The following BAG6 variants were observed in gnomAD, a reference collection of about 807,000 sequenced individuals.
The protein encoded by BAG6 is large proline-rich protein BAG6.
BAG6 carries 22 observed loss-of-function variants against 121.0 expected under a neutral mutation model. That is an observed-to-expected ratio of 0.18 (90% CI 0.13 to 0.26). The LOEUF (loss-of-function observed/expected upper bound fraction) is 0.26, where lower values mean the gene tolerates loss of function less well. Ranked by LOEUF, BAG6 falls within the 10% of genes least tolerant of loss-of-function variation. The pLI is 1.00. For missense variants in BAG6, 1,233 were observed against 1,537.7 expected (o/e 0.80, Z 3.31); for synonymous variants, 583 against 584.6 (o/e 1.00, Z 0.04).
At position 31,641,713 on chromosome 6, in the gene BAG6, G is replaced by A. The variant is rs1782992391; in HGVS notation, c.2505+63C>T. ...TGGAGCTTTACCTGGCAGAGAAGCA[G>A]TCAGAAATAAGGAATAAAATGTGCA... On this transcript the variant is annotated intron_variant, in intron 17 of 25. Coordinates refer to ENST00000676615, the MANE Select transcript of BAG6 (RefSeq NM_001387994.1). The surrounding 1 kb of genome is among the most constrained non-coding windows in gnomAD (Gnocchi z 5.7). The A allele has an allele frequency of 3.7e-6, 6 of 1,611,318 alleles. No homozygotes were observed. Among genetic ancestry groups the A allele is most frequent in the Non-Finnish European group, 5.1e-6 (6 of 1,177,812 alleles).
In BAG6 at chr6:31,644,767, C is replaced by T; in HGVS notation, c.1370-165G>A. 1 of 1,257,778 alleles carries T rather than the reference C, an allele frequency of 8.0e-7. No individual in the cohort carries two copies. Among genetic ancestry groups the T allele is most frequent in the South Asian group, 1.3e-5 (1 of 77,804 alleles). The allele number at this position is 1,257,778 out of a possible 1,614,324, so 77.9% of individuals were successfully genotyped here. On this transcript the variant is annotated intron_variant, in intron 10 of 25. Coordinates refer to ENST00000676615, the MANE Select transcript of BAG6 (RefSeq NM_001387994.1). The surrounding 1 kb of genome is among the most constrained non-coding windows in gnomAD (Gnocchi z 4.9). ...GTACTCCCTTCACCACACAAACACA[C>T]CTCCAAAGACAAACCAACCCCCACA... is the stretch of plus-strand genomic sequence containing the variant.
At position 31,644,264 on chromosome 6, in the gene BAG6, G is replaced by A; in HGVS notation, c.1555+43C>T. ...GCCCTTGCCAGCCAGCTGCCACCATGGACTGTGCCCTACCTCCCAAGCCTC... is the reference window on the plus strand; with the variant it reads ...GCCCTTGCCAGCCAGCTGCCACCATAGACTGTGCCCTACCTCCCAAGCCTC... On this transcript the variant is annotated intron_variant, in intron 12 of 25. Transcript: ENST00000676615. This position sits in a 1 kb window ranked among gnomAD's most constrained non-coding sequence, Gnocchi z 4.9. 1 of 1,561,506 alleles carries A rather than the reference G, an allele frequency of 6.4e-7. No individual in the cohort carries two copies. The highest frequency in any genetic ancestry group is 8.7e-7 in the Non-Finnish European group (1 of 1,152,562).
rs1780284942 is a variant in BAG6 at position 31,639,551 on chromosome 6, G to C, written c.3342C>G (p.Ser1114Arg). ...CTGGTGCCTCCAGGTCCCGGCTCAG[G>C]CTCTCGGGGCTCGTCAGGGGCCGAG... ...AGARPLTSPE[S>R]LSRDLEAPEV... is the part of the protein sequence containing the mutation. The change falls in exon 25 of 26, where the codon AGC (serine) becomes AGG (arginine). Residue 1114 changes from serine (S) to arginine (R), a missense_variant. Physicochemically the swap from Ser to Arg is moderately radical, Grantham distance 110. Coordinates refer to ENST00000676615, the MANE Select transcript of BAG6 (RefSeq NM_001387994.1). 1.2e-6 allele frequency: 2 copies of C among 1,614,072 alleles called. No homozygotes were observed. The highest frequency in any genetic ancestry group is 2.7e-5 in the African/African-American group (2 of 74,928).
At chr6:31,651,538 C>CAA (rs148181699) in intron 2 of BAG6, 118 bp downstream of exon 2, 23 of 927,172 alleles carry the variant, frequency 2.5e-5, no homozygotes, top group Non-Finnish European at 2.5e-5. Flanking sequence ...GACTCCATCT[C>CAA]AAAAAAAAGA....
At chr6:31,648,614 C>T in intron 6 of BAG6, 63 bp downstream of exon 6, 4 of 1,548,138 alleles carry the variant, frequency 2.6e-6, no homozygotes, top group Non-Finnish European at 3.6e-6. Context: ...GCCCTAACTC[C>T]CAGGCTGAGA....
In BAG6 at chr6:31,645,150, G is replaced by C. The variant is rs528855489; in HGVS notation, c.1165C>G (p.Pro389Ala). The change falls in exon 10 of 26, where the codon CCC becomes GCC. Residue 389 changes from proline to alanine, a missense_variant. Pro to Ala is a conservative substitution (Grantham distance 27). This residue lies in a region of BAG6 where 777 missense variants were observed against 861.4 expected (regional missense o/e 0.90). Coordinates refer to ENST00000676615, the MANE Select transcript of BAG6 (RefSeq NM_001387994.1). ...GGTGCCTCTGCATTGGGAGTTGGGG[G>C]GGGCCGAGTCCCATTTCCTGTCATG... ...VTMTGNGTRP[P>A]PTPNAEAPPP... is the part of the protein sequence containing the mutation. 3.7e-6 allele frequency: 6 copies of C among 1,612,842 alleles called. No homozygotes were observed. Among genetic ancestry groups the C allele is most frequent in the Middle Eastern group, 1.7e-4 (1 of 6,058 alleles).
At chr6:31,646,936 G>A (rs1790335793) in intron 7 of BAG6, among the ~76,000 whole-genome samples, 1 of 151,946 alleles carries the variant, frequency 6.6e-6, no homozygotes, top group African/African-American at 2.4e-5. Flanking sequence ...ACCATGCCCA[G>A]CTAATTTTTT....
At chr6:31,649,670 A>T (rs1794146143) in intron 2 of BAG6, 43 bp from the exon 3 acceptor site, 2 of 1,556,102 alleles carry the variant, frequency 1.3e-6, no homozygotes, top group East Asian at 2.2e-5. Flanking sequence ...GAATGGAGGA[A>T]AGAGGAAGAA....
rs751756071 is a variant in BAG6, at chr6:31,640,408, G to A, written c.3115C>T (p.Pro1039Ser). ...ACTGGGGGGACTGCAGCTGCCCAAG[G>A]TTCTGTCTCAGCTGAAGCTCCATCC... ...EQDGASAETEPWAAAVPPEWV... is the reference protein window; with the variant it reads ...EQDGASAETESWAAAVPPEWV... Residue 1039 changes from proline (P) to serine (S), a missense_variant, in exon 23 of 26, where the codon CCT (proline) becomes TCT (serine). Pro to Ser is a moderately conservative substitution (Grantham distance 74). Around this residue, in one of 7 missense-constraint regions of BAG6, gnomAD observed 288 missense variants for 483.1 expected, o/e 0.60. Coordinates refer to ENST00000676615, the MANE Select transcript of BAG6 (RefSeq NM_001387994.1). The surrounding 1 kb of genome is among the most constrained non-coding windows in gnomAD (Gnocchi z 4.2). The A allele has an allele frequency of 5.6e-6, 9 of 1,614,092 alleles. No homozygotes were observed. In the South Asian group the frequency reaches 9.9e-5, roughly 18 times the overall value.
At position 31,644,814 on chromosome 6, in the gene BAG6, A is replaced by G; in HGVS notation, c.1369+132T>C. On this transcript the variant is annotated intron_variant, in intron 10 of 25. Coordinates refer to ENST00000676615, the MANE Select transcript of BAG6 (RefSeq NM_001387994.1). The surrounding 1 kb of genome is among the most constrained non-coding windows in gnomAD (Gnocchi z 4.9). ...CACACCCCCCACATCTGTCTACTTA[A>G]GCTTCTGCTCTGGTCCCCAGGCTAC... 7.0e-7 allele frequency: 1 copy of G among 1,438,546 alleles called. No individual in the cohort carries two copies. Among genetic ancestry groups the G allele is most frequent in the Non-Finnish European group, 9.5e-7 (1 of 1,057,246 alleles). The allele number at this position is 1,438,546 out of a possible 1,614,324, so 89.1% of individuals were successfully genotyped here. A position where few individuals can be genotyped will look rare whatever the true frequency, so the allele number is the denominator to read the frequency against.
chr6:31,651,788 C>T lies in BAG6; in HGVS notation c.-13-12G>A, dbSNP rs1377001037. The stretch of plus-strand genomic sequence containing the variant: ...TGGCCGACAGGTCTCTAAAGAAGAA[C>T]GAAGGAAGGAAGGCCCGCTGTTGCC... On this transcript the variant is annotated splice_polypyrimidine_tract_variant and intron_variant, in intron 1 of 25. Coordinates refer to ENST00000676615, the MANE Select transcript of BAG6 (RefSeq NM_001387994.1). 10 of 1,607,128 alleles carry T rather than the reference C, an allele frequency of 6.2e-6. No individual in the cohort carries two copies. Among genetic ancestry groups the T allele is most frequent in the Non-Finnish European group, 6.0e-6 (7 of 1,174,874 alleles).
rs1284676403 is a variant in BAG6, at chr6:31,644,755, C to T, written c.1370-153G>A. 2 of 1,227,322 alleles carry T rather than the reference C, an allele frequency of 1.6e-6. No homozygotes were observed. The highest frequency in any genetic ancestry group is 2.4e-6 in the Non-Finnish European group (2 of 848,802). The allele number at this position is 1,227,322 out of a possible 1,614,324, so 76.0% of individuals were successfully genotyped here. ...AAACAGGGAGAGGTACTCCCTTCAC[C>T]ACACAAACACACCTCCAAAGACAAA... On this transcript the variant is annotated intron_variant, in intron 10 of 25. Coordinates refer to ENST00000676615, the MANE Select transcript of BAG6 (RefSeq NM_001387994.1). The surrounding 1 kb of genome is among the most constrained non-coding windows in gnomAD (Gnocchi z 4.9).
chr6:31,651,625 G>A, intron 2 of BAG6, 31 bp downstream of exon 2: 1 of 1,583,716 alleles, frequency 6.3e-7, no homozygotes, highest in Non-Finnish European at 8.7e-7. Flanking sequence ...AAAAGCTAAA[G>A]GTGTCTTCCA....
Position 31,639,154 on chromosome 6 carries a change from G to A in BAG6, c.3466C>T (p.Arg1156Trp), listed in dbSNP as rs145207671. 15 of 1,613,756 alleles carry A rather than the reference G, an allele frequency of 9.3e-6. No individual in the cohort carries two copies. The highest frequency in any genetic ancestry group is 3.3e-5 in the Admixed American group (2 of 59,980). The change falls in exon 26 of 26, where the codon CGG becomes TGG. Residue 1156 changes from arginine to tryptophan, a missense_variant. Physicochemically the swap from Arg to Trp is moderately radical, Grantham distance 101. Coordinates refer to ENST00000676615, the MANE Select transcript of BAG6 (RefSeq NM_001387994.1). Reference sequence around the variant, plus strand: ...AGCTAAGGATCATCAGCAAAGGCCCGCTGGGCATTGGGGAAGCGCTGGGGA... The same window carrying A: ...AGCTAAGGATCATCAGCAAAGGCCCACTGGGCATTGGGGAAGCGCTGGGGA... The part of the protein sequence containing the change: ...YSPQRFPNAQ[R>W]AFADDP
Position 31,647,655 on chromosome 6 carries a change from G to A in BAG6, c.724C>T (p.Pro242Ser), listed in dbSNP as rs866143115. ...EVEERAPAQN[P>S]ELTPGPAPAG... ...GGGGCTGGGCCAGGAGTGAGCTCCG[G>A]GTTCTGGGCTGGGGCACGCTCCTCC... The change falls in exon 7 of 26, where the codon CCG becomes TCG. Residue 242 changes from proline to serine, a missense_variant. Physicochemically the swap from Pro to Ser is moderately conservative, Grantham distance 74 (BLOSUM62 -1). Around this residue, in one of 7 missense-constraint regions of BAG6, gnomAD observed 777 missense variants for 861.4 expected, o/e 0.90. Transcript: ENST00000676615. 5.5e-5 allele frequency: 89 copies of A among 1,604,458 alleles called. 1 individual carries two copies. In the Admixed American group the frequency reaches 1.2e-3, roughly 22 times the overall value.
chr6:31,649,562 C>T lies in BAG6; in HGVS notation c.174G>A (p.Arg58=), dbSNP rs773548817. 1 of 1,614,050 alleles carries T rather than the reference C, an allele frequency of 6.2e-7. No homozygotes were observed. The highest frequency in any genetic ancestry group is 1.3e-5 in the African/African-American group (1 of 74,894). Residue 58 remains arginine, a synonymous_variant, in exon 3 of 26, where the codon CGG becomes CGA. Transcript: ENST00000676615. ...ASVSIPSEKQ[R]LIYQGRVLQD... is the part of the protein sequence containing the mutation. ...GCAGAACTCGTCCCTGGTAAATGAG[C>T]CGTTGTTTTTCAGATGGGATGCTGA...
intron 2 of BAG6, among the ~76,000 whole-genome samples, chr6:31,650,005 G>A (rs1363258475): frequency 2.0e-5 from 3 of 152,138 alleles, no homozygotes; most frequent in African/African-American, 7.2e-5. Context: ...GGAGGCTGAA[G>A]CAAGAGAATC....
intron 4 of BAG6, 76 bp from the exon 5 acceptor site, chr6:31,649,040 A>G: frequency 6.7e-7 from 1 of 1,500,944 alleles, no homozygotes; most frequent in Non-Finnish European, 8.9e-7. Flanking sequence ...CATTCCCTGG[A>G]GCCCTACCTC....
chr6:31,639,253 A>G, intron 25 of BAG6, 27 bp from the exon 26 acceptor site: 1 of 1,597,580 alleles, frequency 6.3e-7, no homozygotes, highest in Non-Finnish European at 8.6e-7. Context: ...AGCAGGTTGG[A>G]GAAACGCTGG....
Sources: allele counts gnomAD v4.1 joint callset (sites outside exome capture counted in the v4.1 genomes callset), GRCh38; gene constraint gnomAD v4.1.1; regional missense constraint gnomAD v4.1.1; non-coding constraint Gnocchi (gnomAD v3.1); transcripts MANE v1.5; gene names NCBI Gene and HGNC (gene_info 2026-07-23, HGNC 2026-07-21).